Variants in GPATCH2 observed in about 807,000 individuals in gnomAD.
GPATCH2 encodes the protein G patch domain-containing protein 2.
Under a neutral mutation model 58.0 loss-of-function variants are expected in GPATCH2, and 51 were observed. The ratio of observed to expected loss-of-function variants is 0.88; its 90% CI spans 0.70 to 1.11. The LOEUF is 1.11. Among genes scored for constraint, GPATCH2 ranks in the 50% most tolerant of loss-of-function variants. The probability of loss-of-function intolerance (pLI) is 0.00; values close to 1 mark genes in which losing one functional copy is unlikely to be tolerated. For missense variants in GPATCH2, 625 were observed against 652.2 expected (o/e 0.96, Z 0.45); for synonymous variants, 222 against 218.5 (o/e 1.02, Z -0.14).
chr1:217,609,444 A>G lies in GPATCH2; in HGVS notation c.1098+877T>C, dbSNP rs934328668. On this transcript the variant is annotated intron_variant, in intron 5 of 9. Transcript: ENST00000366935. ...GACAAAGCAGATAATTTAAAAGGTA[A>G]ATGATTCTACTAGTGCAGACTAGTT... is the stretch of plus-strand genomic sequence containing the variant. The G allele has an allele frequency of 1.0e-5, 10 of 984,558 alleles. No individual in the cohort carries two copies. The African/African-American group carries it at 1.7e-4, about 17-fold the overall frequency. 61.0% of individuals were successfully genotyped at this position (984,558 alleles called of 1,614,324 possible). A position where few individuals can be genotyped will look rare whatever the true frequency, so the allele number is the denominator to read the frequency against.
At chr1:217,437,102 C>T (rs114663704) in intron 9 of GPATCH2, among the ~76,000 whole-genome samples, 4 of 152,208 alleles carry the variant, frequency 2.6e-5, no homozygotes, top group African/African-American at 4.8e-5. Flanking sequence ...CAGGGTGGGG[C>T]GGTGCCTCAC....
chr1:217,614,487 A>G (rs1668788025), intron 2 of GPATCH2, among the ~76,000 whole-genome samples: 2 of 152,086 alleles, frequency 1.3e-5, no homozygotes, highest in Non-Finnish European at 2.9e-5. Context: ...TTTATCATGT[A>G]CTTTCATCAA....
intron 5 of GPATCH2, among the ~76,000 whole-genome samples, chr1:217,552,272 T>C (rs1181893171): frequency 6.6e-6 from 1 of 152,152 alleles, no homozygotes; most frequent in Non-Finnish European, 1.5e-5. Flanking sequence ...CCTTTACATA[T>C]AAGAAGGCAC....
chr1:217,480,614 A>G (rs150822124), intron 8 of GPATCH2, among the ~76,000 whole-genome samples: 2,952 of 152,278 alleles, frequency 0.019, 101 homozygotes, highest in African/African-American at 0.066. Context: ...TAGAGCTACC[A>G]TATGATCCAG....
At chr1:217,596,327 A>T (rs999904061) in intron 5 of GPATCH2, among the ~76,000 whole-genome samples, 5 of 152,186 alleles carry the variant, frequency 3.3e-5, no homozygotes, top group Admixed American at 3.3e-4. Flanking sequence ...TATATATTTT[A>T]CCCTTACAAG....
chr1:217,440,765 A>G (rs113438833), intron 9 of GPATCH2, among the ~76,000 whole-genome samples: 1 of 152,210 alleles, frequency 6.6e-6, no homozygotes, highest in African/African-American at 2.4e-5. Flanking sequence ...CAATTGCTAC[A>G]AAGAGAATAA....
At chr1:217,439,777 A>C (rs990392100) in intron 9 of GPATCH2, among the ~76,000 whole-genome samples, 1 of 152,228 alleles carries the variant, frequency 6.6e-6, no homozygotes, top group African/African-American at 2.4e-5. Context: ...GAAATGGATA[A>C]ATTCCTGGAC....
At chr1:217,513,704 G>T (rs1205617989) in intron 6 of GPATCH2, among the ~76,000 whole-genome samples, 1 of 152,122 alleles carries the variant, frequency 6.6e-6, no homozygotes, top group Non-Finnish European at 1.5e-5. Context: ...AAATTATCTA[G>T]TAAGTAGTCT....
At position 217,631,028 on chromosome 1, in the gene GPATCH2, C is replaced by T; in HGVS notation, c.-57G>A. 1 of 1,477,098 alleles carries T rather than the reference C, an allele frequency of 6.8e-7. No individual in the cohort carries two copies. The highest frequency in any genetic ancestry group is 9.2e-7 in the Non-Finnish European group (1 of 1,087,608). The allele number at this position is 1,477,098 out of a possible 1,614,324, so 91.5% of individuals were successfully genotyped here. ...CAGGCCCGTGAACAGACTCCAACTA[C>T]AACAGCACCGGCGACTTCCAAAGAG... On this transcript the variant is annotated 5_prime_UTR_variant, in exon 1 of 10. Coordinates refer to ENST00000366935, the MANE Select transcript of GPATCH2 (RefSeq NM_018040.5).
intron 8 of GPATCH2, among the ~76,000 whole-genome samples, chr1:217,477,539 G>T (rs1485618505): frequency 6.6e-6 from 1 of 152,126 alleles, no homozygotes; most frequent in Non-Finnish European, 1.5e-5. Flanking sequence ...ACCACAAGCT[G>T]ACTGAAGACC....
At chr1:217,492,305 A>G (rs1009138141) in intron 7 of GPATCH2, among the ~76,000 whole-genome samples, 5 of 152,182 alleles carry the variant, frequency 3.3e-5, no homozygotes, top group African/African-American at 9.7e-5. Flanking sequence ...GCTTGGAAAT[A>G]TATAATTAGA....
chr1:217,607,126 T>C (rs1668396679), intron 5 of GPATCH2, among the ~76,000 whole-genome samples: 1 of 152,190 alleles, frequency 6.6e-6, no homozygotes, highest in South Asian at 2.1e-4. Context: ...CCATTGTGGA[T>C]TCCATATTTT....
chr1:217,545,444 C>A (rs1281022577), intron 5 of GPATCH2, among the ~76,000 whole-genome samples: 1 of 152,182 alleles, frequency 6.6e-6, no homozygotes, highest in African/African-American at 2.4e-5. Context: ...CACCTAGAGT[C>A]TGCGGGCATA....
chr1:217,561,357 A>G (rs1478657539), intron 5 of GPATCH2, among the ~76,000 whole-genome samples: 1 of 152,198 alleles, frequency 6.6e-6, no homozygotes, highest in African/African-American at 2.4e-5. Flanking sequence ...AGGTTTATCT[A>G]AAAACATACG....
chr1:217,432,119 C>T lies in GPATCH2; in HGVS notation c.1367-754G>A, dbSNP rs144434933. Among the ~76,000 whole-genome samples the T allele has an allele frequency of 7.0e-3, 1,071 of 151,978 alleles. 14 individuals are homozygous for T. Among genetic ancestry groups the T allele is most frequent in the African/African-American group, 0.024 (997 of 41,480 alleles). On this transcript the variant is annotated intron_variant, in intron 9 of 9. Coordinates refer to ENST00000366935, the MANE Select transcript of GPATCH2 (RefSeq NM_018040.5). ...CATAGACCACAATTCCCTTCATAGGCCTCCAGAGATAGATATATTTCTTCC... is the reference window on the plus strand; with the variant it reads ...CATAGACCACAATTCCCTTCATAGGTCTCCAGAGATAGATATATTTCTTCC...
intron 6 of GPATCH2, among the ~76,000 whole-genome samples, chr1:217,512,933 A>T (rs970308181): frequency 6.6e-6 from 1 of 152,208 alleles, no homozygotes; most frequent in African/African-American, 2.4e-5. Context: ...CAAACTGGAT[A>T]TATGCGTTGT....
intron 5 of GPATCH2, among the ~76,000 whole-genome samples, chr1:217,572,378 T>G (rs2102721211): frequency 6.6e-6 from 1 of 152,310 alleles, no homozygotes; most frequent in East Asian, 1.9e-4. Context: ...TATTATATGA[T>G]GATGTCCAGA....
chr1:217,485,690 C>A (rs1661422803), intron 8 of GPATCH2, among the ~76,000 whole-genome samples: 1 of 152,064 alleles, frequency 6.6e-6, no homozygotes, highest in South Asian at 2.1e-4. Flanking sequence ...GATGGTGTAG[C>A]CTACTACACA....
chr1:217,466,456 C>T (rs1215899790), intron 8 of GPATCH2, among the ~76,000 whole-genome samples: 3 of 152,070 alleles, frequency 2.0e-5, no homozygotes, highest in African/African-American at 7.2e-5. Context: ...AACTCCTGGG[C>T]TCAAGCTATC....
Sources: gnomAD v4.1 joint callset for allele counts (sites outside exome capture counted in the v4.1 genomes callset) on GRCh38, gnomAD v4.1.1 for gene constraint, MANE v1.5 for transcripts, NCBI Gene and HGNC (gene_info 2026-07-23, HGNC 2026-07-21) for gene names.